The following CACNA1I variants were observed in gnomAD, a reference collection of about 807,000 sequenced individuals.
The protein encoded by CACNA1I is voltage-dependent T-type calcium channel subunit alpha-1I.
In CACNA1I, 74 loss-of-function variants were observed where a neutral mutation model predicts 201.6. The observed-to-expected ratio is 0.37, with a 90% confidence interval of 0.30 to 0.45. The LOEUF is 0.45. Among genes scored for constraint, CACNA1I ranks in the 20% least tolerant of loss-of-function variants. CACNA1I has a pLI of 1.00. For synonymous variants in CACNA1I, 1,431 were observed against 1,345.2 expected (o/e 1.06, Z -1.40); for missense variants, 2,346 against 3,138.1 (o/e 0.75, Z 6.03).
rs2146456702 is a variant in CACNA1I at position 39,665,723 on chromosome 22, G to A, written c.3978+99G>A. ...GAGACTCCACATTCCAACCTCATGC[G>A]CCTTGCCAGCTGTGGGCTTCTCCTC... On this transcript the variant is annotated intron_variant, in intron 22 of 36. Coordinates refer to ENST00000402142, the MANE Select transcript of CACNA1I (RefSeq NM_021096.4). This position sits in a 1 kb window ranked among gnomAD's most constrained non-coding sequence, Gnocchi z 5.5. 11 of 1,548,588 alleles carry A rather than the reference G, an allele frequency of 7.1e-6. No homozygotes were observed. Among genetic ancestry groups the A allele is most frequent in the Middle Eastern group, 1.7e-4 (1 of 5,874 alleles).
At chr22:39,662,462 C>A in intron 17 of CACNA1I, 27 bp downstream of exon 17, 1 of 1,385,026 alleles carries the variant, frequency 7.2e-7, no homozygotes, top group Non-Finnish European at 9.4e-7. Context: ...CCGAAGGGGA[C>A]CTGGTGCGGT....
chr22:39,660,481 T>C, intron 15 of CACNA1I, 44 bp downstream of exon 15: 2 of 1,419,234 alleles, frequency 1.4e-6, no homozygotes, highest in South Asian at 1.2e-5. Flanking sequence ...CAGAGCCTTC[T>C]CCACAGATCC....
At chr22:39,594,568 G>A (rs892096929) in intron 1 of CACNA1I, among the ~76,000 whole-genome samples, 21 of 152,250 alleles carry the variant, frequency 1.4e-4, no homozygotes, top group Middle Eastern at 3.4e-3. Context: ...CTGGGGCCAG[G>A]AGGAGCTGAG....
chr22:39,593,041 C>T lies in CACNA1I; in HGVS notation c.237-5110C>T, dbSNP rs543342230. Among the ~76,000 whole-genome samples, 5 of 152,322 alleles carry T rather than the reference C, an allele frequency of 3.3e-5. No individual in the cohort carries two copies. In the South Asian group the frequency reaches 8.3e-4, roughly 25 times the overall value. ...CAAGCTTTGCCATCTGGGATTTCCC[C>T]GGGCACCTCTGGGCAAGGGCTGAGA... is the stretch of plus-strand genomic sequence containing the variant. On this transcript the variant is annotated intron_variant, in intron 1 of 36. Transcript: ENST00000402142.
Position 39,665,811 on chromosome 22 carries a change from C to T in CACNA1I, c.3979-70C>T, listed in dbSNP as rs978365000. On this transcript the variant is annotated intron_variant, in intron 22 of 36. Transcript: ENST00000402142. The surrounding 1 kb of genome is among the most constrained non-coding windows in gnomAD (Gnocchi z 5.5). The stretch of plus-strand genomic sequence containing the variant: ...ACAAGACAGTCTGAGTAAACGCGAT[C>T]GAGAGGCGAGTTCCTCTCTGACTTG... The T allele has an allele frequency of 1.3e-5, 21 of 1,597,694 alleles. No individual in the cohort carries two copies. The Admixed American group carries it at 1.3e-4, about 10-fold the overall frequency.
intron 5 of CACNA1I, among the ~76,000 whole-genome samples, chr22:39,638,700 A>C (rs1934283039): frequency 6.9e-6 from 1 of 145,776 alleles, no homozygotes; most frequent in Non-Finnish European, 1.5e-5. Context: ...CCTTTTCCTT[A>C]TTAAGTTATG....
rs150675474 is a variant in CACNA1I, at chr22:39,611,024, C to T, written c.483-8286C>T. 1.1e-3 allele frequency among the ~76,000 whole-genome samples: 169 copies of T among 152,210 alleles called. 6 individuals are homozygous for T. In the East Asian group the frequency reaches 0.016, roughly 14 times the overall value. On this transcript the variant is annotated intron_variant, in intron 3 of 36. Coordinates refer to ENST00000402142, the MANE Select transcript of CACNA1I (RefSeq NM_021096.4). Reference sequence around the variant, plus strand: ...CCTGGCAGGATGTGTCAGCTGTGCCCCTATCACGTGGCTGAGGGTGGGGAG... The same window carrying T: ...CCTGGCAGGATGTGTCAGCTGTGCCTCTATCACGTGGCTGAGGGTGGGGAG...
chr22:39,598,274 G>GCCCCCC lies in CACNA1I; in HGVS notation c.348+16_348+17insCCCCCC. 1 of 1,311,228 alleles carries GCCCCCC rather than the reference G, an allele frequency of 7.6e-7. No individual in the cohort carries two copies. The highest frequency in any genetic ancestry group is 1.0e-6 in the Non-Finnish European group (1 of 971,820). 81.2% of individuals were successfully genotyped at this position (1,311,228 alleles called of 1,614,324 possible). A position where few individuals can be genotyped will look rare whatever the true frequency, so the allele number is the denominator to read the frequency against. On this transcript the variant is annotated intron_variant, in intron 2 of 36. Coordinates refer to ENST00000402142, the MANE Select transcript of CACNA1I (RefSeq NM_021096.4). ...GCAAGATCCTGCAGGTGAGCCGGCCGCCCCGCCCCGCCCCGCCCTGCCCTC... is the reference window on the plus strand; with the variant it reads ...GCAAGATCCTGCAGGTGAGCCGGCCGCCCCCCCCCCGCCCCGCCCCGCCCTGCCCTC...
chr22:39,686,439 C>T lies in CACNA1I; in HGVS notation c.*34C>T, dbSNP rs1935882053. ...GGGGCCCCCGGCCGCCCACCGCCCG[C>T]CCCGTCTCACCTTCTTTACCTCAGG... On this transcript the variant is annotated 3_prime_UTR_variant, in exon 37 of 37. Transcript: ENST00000402142. 3 of 1,201,448 alleles carry T rather than the reference C, an allele frequency of 2.5e-6. No homozygotes were observed. The highest frequency in any genetic ancestry group is 3.1e-5 in the South Asian group (1 of 32,042). 74.4% of individuals were successfully genotyped at this position (1,201,448 alleles called of 1,614,324 possible).
At position 39,662,126 on chromosome 22, in the gene CACNA1I, C is replaced by G. The variant is rs913511160; in HGVS notation, c.3063C>G (p.Ala1021=). 1 of 1,526,798 alleles carries G rather than the reference C, an allele frequency of 6.5e-7. No individual in the cohort carries two copies. The highest frequency in any genetic ancestry group is 1.2e-5 in the South Asian group (1 of 82,322). The allele number at this position is 1,526,798 out of a possible 1,614,324, so 94.6% of individuals were successfully genotyped here. A position where few individuals can be genotyped will look rare whatever the true frequency, so the allele number is the denominator to read the frequency against. The change falls in exon 17 of 37, where the codon GCC becomes GCG. Residue 1021 remains alanine (A), a synonymous_variant. Transcript: ENST00000402142. ...GCGGCGCCCGGGTCTGCGAGGTTGC[C>G]GCGGACGAGGGGCCGCCGCGGGCCG... The part of the protein sequence containing the change: ...RGGGARVCEV[A]ADEGPPRAAP...
chr22:39,578,583 G>A (rs779226037), intron 1 of CACNA1I, among the ~76,000 whole-genome samples: 2 of 151,864 alleles, frequency 1.3e-5, no homozygotes, highest in Non-Finnish European at 2.9e-5. Context: ...TCTCCCCTGG[G>A]CTCCCCCTCT....
chr22:39,675,149 C>T (rs1935481633), intron 29 of CACNA1I, among the ~76,000 whole-genome samples: 1 of 152,240 alleles, frequency 6.6e-6, no homozygotes. Flanking sequence ...GGGCCCTGGG[C>T]ATGCGACTTA....
intron 3 of CACNA1I, among the ~76,000 whole-genome samples, chr22:39,603,830 G>C (rs1352990607): frequency 6.6e-6 from 1 of 152,184 alleles, no homozygotes; most frequent in African/African-American, 2.4e-5. Context: ...AGTGAGATTA[G>C]AGTCAAAACT....
intron 10 of CACNA1I, among the ~76,000 whole-genome samples, chr22:39,657,072 A>C (rs1430423705): frequency 1.3e-5 from 2 of 152,156 alleles, no homozygotes; most frequent in East Asian, 3.9e-4. Context: ...TAAACTCCAG[A>C]GGAGGGGGGA....
At position 39,677,799 on chromosome 22, in the gene CACNA1I, C is replaced by T. The variant is rs563622054; in HGVS notation, c.4934-188C>T. Reference sequence around the variant, plus strand: ...CTTCGGCGGGGAGCAGAGCCAGACTCACCCAAACCTGAGCCCCAGCTCATG... The same window carrying T: ...CTTCGGCGGGGAGCAGAGCCAGACTTACCCAAACCTGAGCCCCAGCTCATG... On this transcript the variant is annotated intron_variant, in intron 30 of 36. Coordinates refer to ENST00000402142, the MANE Select transcript of CACNA1I (RefSeq NM_021096.4). The surrounding 1 kb of genome is among the most constrained non-coding windows in gnomAD (Gnocchi z 4.8). 2.0e-5 allele frequency among the ~76,000 whole-genome samples: 3 copies of T among 152,212 alleles called. No homozygotes were observed. The highest frequency in any genetic ancestry group is 4.4e-5 in the Non-Finnish European group (3 of 68,032).
rs553727838 is a variant in CACNA1I, at chr22:39,588,229, C to T, written c.237-9922C>T. ...CTCACTGCAGCCTTGAACTTCTGGG[C>T]TTAAGTGATCCTCCTGCCTCAGCCT... On this transcript the variant is annotated intron_variant, in intron 1 of 36. Coordinates refer to ENST00000402142, the MANE Select transcript of CACNA1I (RefSeq NM_021096.4). Among the ~76,000 whole-genome samples the T allele has an allele frequency of 2.1e-5, 3 of 141,390 alleles. No homozygotes were observed. The Admixed American group carries it at 2.2e-4, about 11-fold the overall frequency. 92.8% of individuals were successfully genotyped at this position (141,390 alleles called of 152,430 possible).
rs575656258 is a variant in CACNA1I at position 39,665,433 on chromosome 22, T to C, written c.3852-65T>C. On this transcript the variant is annotated intron_variant, in intron 21 of 36. Coordinates refer to ENST00000402142, the MANE Select transcript of CACNA1I (RefSeq NM_021096.4). The surrounding 1 kb of genome is among the most constrained non-coding windows in gnomAD (Gnocchi z 5.5). ...ATACTCAGCCCTGGTGACTCTGGGC[T>C]GAGTAGGGGCTGCCTCCTGGCCTGG... is the stretch of plus-strand genomic sequence containing the variant. The C allele has an allele frequency of 2.6e-5, 41 of 1,593,836 alleles. 1 individual carries two copies. The South Asian group carries it at 4.6e-4, about 18-fold the overall frequency.
intron 1 of CACNA1I, among the ~76,000 whole-genome samples, chr22:39,572,086 C>T (rs1932202650): frequency 6.6e-6 from 1 of 152,110 alleles, no homozygotes; most frequent in Non-Finnish European, 1.5e-5. Flanking sequence ...GGTGAGGCTG[C>T]AGGTGTGGCG....
chr22:39,606,413 C>T (rs1012886145), intron 3 of CACNA1I, among the ~76,000 whole-genome samples: 3 of 152,258 alleles, frequency 2.0e-5, no homozygotes, highest in Non-Finnish European at 4.4e-5. Flanking sequence ...TCATTCCATG[C>T]ACTTCCTGCA....
Sources: gnomAD v4.1 joint callset for allele counts (sites outside exome capture counted in the v4.1 genomes callset) on GRCh38, gnomAD v4.1.1 for gene constraint, Gnocchi (gnomAD v3.1) non-coding constraint, MANE v1.5 for transcripts, NCBI Gene and HGNC (gene_info 2026-07-23, HGNC 2026-07-21) for gene names.